Variants in MAML3 observed in about 807,000 individuals in gnomAD.
MAML3 encodes the protein mastermind-like protein 3.
MAML3 carries 27 observed loss-of-function variants against 101.9 expected under a neutral mutation model. The ratio of observed to expected loss-of-function variants is 0.27; its 90% CI spans 0.20 to 0.37. The LOEUF (loss-of-function observed/expected upper bound fraction) is 0.37. Among genes scored for constraint, MAML3 ranks in the 10% least tolerant of loss-of-function variants. The probability of loss-of-function intolerance (pLI) is 1.00; values close to 1 mark genes in which losing one functional copy is unlikely to be tolerated. For missense variants in MAML3, 1,316 were observed against 1,444.9 expected (o/e 0.91, Z 1.45); for synonymous variants, 501 against 555.9 (o/e 0.90, Z 1.39).
chr4:140,148,418 G>A (rs900247507), intron 1 of MAML3, among the ~76,000 whole-genome samples: 1 of 152,002 alleles, frequency 6.6e-6, no homozygotes, highest in African/African-American at 2.4e-5. Context: ...TGCTTCTTGA[G>A]AATTAAAAGA....
At chr4:139,934,293 G>A (rs1733463793) in intron 1 of MAML3, among the ~76,000 whole-genome samples, 2 of 151,840 alleles carry the variant, frequency 1.3e-5, no homozygotes, top group Non-Finnish European at 2.9e-5. Flanking sequence ...GGGTGTGTGT[G>A]CGACTATGGG....
chr4:139,991,099 T>C (rs1446188287), intron 1 of MAML3, among the ~76,000 whole-genome samples: 1 of 152,086 alleles, frequency 6.6e-6, no homozygotes, highest in Admixed American at 6.6e-5. Flanking sequence ...TCCAAGTCAA[T>C]CCTAAGCCAA....
chr4:140,054,364 G>A (rs1299152468), intron 1 of MAML3, among the ~76,000 whole-genome samples: 5 of 131,294 alleles, frequency 3.8e-5, no homozygotes, highest in Non-Finnish European at 7.9e-5. Flanking sequence ...GGGAGACTCC[G>A]TCTCAAAAAA....
chr4:139,816,223 G>T (rs190081027), intron 2 of MAML3, among the ~76,000 whole-genome samples: 3 of 152,212 alleles, frequency 2.0e-5, no homozygotes, highest in Non-Finnish European at 4.4e-5. Flanking sequence ...GGGGCTGAGC[G>T]GAGGGGATGC....
intron 1 of MAML3, among the ~76,000 whole-genome samples, chr4:139,936,470 C>T (rs1350262207): frequency 6.6e-6 from 1 of 152,150 alleles, no homozygotes; most frequent in Non-Finnish European, 1.5e-5. Context: ...GACCTCTATA[C>T]TGTTCTTCAT....
chr4:139,949,610 A>AC (rs1733799031), intron 1 of MAML3, among the ~76,000 whole-genome samples: 1 of 152,238 alleles, frequency 6.6e-6, no homozygotes, highest in African/African-American at 2.4e-5. Context: ...TTGTACTTTT[A>AC]ATTTACAAAC....
At chr4:139,801,643 G>GGTGTGTGTGT (rs755484864) in intron 2 of MAML3, among the ~76,000 whole-genome samples, 1 of 30,742 alleles carries the variant, frequency 3.3e-5, no homozygotes, top group African/African-American at 8.7e-5. Flanking sequence ...GGTGTGTGTG[G>GGTGTGTGTGT]GTGTGTGTGT....
intron 1 of MAML3, among the ~76,000 whole-genome samples, chr4:140,067,596 T>C (rs1727560669): frequency 6.6e-6 from 1 of 152,196 alleles, no homozygotes; most frequent in African/African-American, 2.4e-5. Flanking sequence ...GCATACTCAA[T>C]GGCCAAGATT....
At chr4:140,112,694 CA>C (rs1304768630) in intron 1 of MAML3, among the ~76,000 whole-genome samples, 2 of 152,344 alleles carry the variant, frequency 1.3e-5, no homozygotes, top group Admixed American at 6.5e-5. Flanking sequence ...CCAAATGTAG[CA>C]AAGACTCTTC....
At chr4:139,867,737 A>T (rs1410945161) in intron 2 of MAML3, among the ~76,000 whole-genome samples, 1 of 152,238 alleles carries the variant, frequency 6.6e-6, no homozygotes, top group Non-Finnish European at 1.5e-5. Context: ...TATTATTATC[A>T]CTATTTCACA....
intron 1 of MAML3, among the ~76,000 whole-genome samples, chr4:139,941,067 T>A (rs1398583772): frequency 6.6e-6 from 1 of 152,244 alleles, no homozygotes; most frequent in South Asian, 2.1e-4. Context: ...CACCCTACAA[T>A]GTAGATTTGG....
chr4:140,019,288 G>A (rs1726696279), intron 1 of MAML3, among the ~76,000 whole-genome samples: 1 of 152,156 alleles, frequency 6.6e-6, no homozygotes, highest in South Asian at 2.1e-4. Flanking sequence ...TCCCTCAGAA[G>A]CCTGAGTGAA....
intron 1 of MAML3, among the ~76,000 whole-genome samples, chr4:139,974,724 T>C (rs1230307644): frequency 6.6e-6 from 1 of 152,182 alleles, no homozygotes; most frequent in Non-Finnish European, 1.5e-5. Flanking sequence ...GTCCAGATAA[T>C]ATATGGTCAA....
chr4:139,986,118 T>C (rs1734533989), intron 1 of MAML3, among the ~76,000 whole-genome samples: 1 of 152,266 alleles, frequency 6.6e-6, no homozygotes, highest in African/African-American at 2.4e-5. Context: ...CTGCCTCCCA[T>C]GGCTCTCATT....
At chr4:140,074,797 G>GCCACAC (rs1464193165) in intron 1 of MAML3, among the ~76,000 whole-genome samples, 2 of 152,206 alleles carry the variant, frequency 1.3e-5, no homozygotes. Context: ...ATGGATGGCT[G>GCCACAC]AGATAGTGAC....
At position 139,720,277 on chromosome 4, in the gene MAML3, C is replaced by A; in HGVS notation, c.2463G>T (p.Gln821His). ...CCATCAGCCGTGACGTTCGCATGCT[C>A]TGGAGGGCTGCTTGGCTTCTTACGG... ...IAAVRSQAAL[Q>H]SMRTSRLMAQ... Residue 821 changes from glutamine (Q) to histidine (H), a missense_variant, in exon 5 of 5, where the codon CAG (glutamine) becomes CAT (histidine). Transcript: ENST00000509479. The A allele has an allele frequency of 6.4e-7, 1 of 1,571,840 alleles. No homozygotes were observed. Among genetic ancestry groups the A allele is most frequent in the Non-Finnish European group, 8.6e-7 (1 of 1,156,234 alleles).
chr4:140,077,689 G>T lies in MAML3; in HGVS notation c.468+75171C>A, dbSNP rs1480192501. 5.3e-5 allele frequency among the ~76,000 whole-genome samples: 8 copies of T among 152,150 alleles called. No individual in the cohort carries two copies. In the East Asian group the frequency reaches 1.5e-3, roughly 29 times the overall value. ...AAGTAGGCTAGTATTATTTACCAAGGTAGCCACTATCCCTTTCTGAGCAAA... is the reference window on the plus strand; with the variant it reads ...AAGTAGGCTAGTATTATTTACCAAGTTAGCCACTATCCCTTTCTGAGCAAA... On this transcript the variant is annotated intron_variant, in intron 1 of 4. Transcript: ENST00000509479.
intron 1 of MAML3, among the ~76,000 whole-genome samples, chr4:139,918,631 C>T (rs1308759355): frequency 6.6e-6 from 1 of 152,202 alleles, no homozygotes; most frequent in Non-Finnish European, 1.5e-5. Context: ...ATTGTCTTCT[C>T]CCATTTGAGT....
chr4:140,096,171 C>A (rs2110989628), intron 1 of MAML3, among the ~76,000 whole-genome samples: 1 of 152,332 alleles, frequency 6.6e-6, no homozygotes, highest in South Asian at 2.1e-4. Context: ...ACGGTTGTGT[C>A]TATGGAACAT....
Sources: gnomAD v4.1 joint callset for allele counts (sites outside exome capture counted in the v4.1 genomes callset) on GRCh38, gnomAD v4.1.1 for gene constraint, MANE v1.5 for transcripts, NCBI Gene and HGNC (gene_info 2026-07-23, HGNC 2026-07-21) for gene names.